Variants in COX7B2 observed in about 807,000 individuals in gnomAD.
COX7B2 encodes the protein cytochrome c oxidase subunit 7B2, mitochondrial.
For synonymous variants in COX7B2, 37 were observed against 32.1 expected, an observed-to-expected ratio of 1.15 and a Z score of -0.51; for missense variants, 109 against 95.9, an observed-to-expected ratio of 1.14 and a Z score of -0.57.
At chr4:46,800,568 T>C (rs1360756794) in intron 2 of COX7B2, among the ~76,000 whole-genome samples, 1 of 152,190 alleles carries the variant, frequency 6.6e-6, no homozygotes, top group Non-Finnish European at 1.5e-5. Context: ...AGATTGAAAC[T>C]GGACTCCTTG....
At chr4:46,787,983 C>T (rs1353301619) in intron 2 of COX7B2, among the ~76,000 whole-genome samples, 3 of 152,172 alleles carry the variant, frequency 2.0e-5, no homozygotes, top group Non-Finnish European at 2.9e-5. Context: ...TGATCCCCAA[C>T]TCCTTCCTCT....
intron 1 of COX7B2, among the ~76,000 whole-genome samples, chr4:46,871,153 C>A (rs1009212292): frequency 6.6e-6 from 1 of 151,774 alleles, no homozygotes. Context: ...ACACATAGAC[C>A]AATGGAAAAG....
intron 1 of COX7B2, among the ~76,000 whole-genome samples, chr4:46,893,137 T>C (rs1577707267): frequency 6.6e-6 from 1 of 152,134 alleles, no homozygotes. Context: ...CATGGATAAG[T>C]AGAGTTAAGG....
rs1717008012 is a variant in COX7B2, at chr4:46,773,774, T to C, written c.-49-38533A>G. Among the ~76,000 whole-genome samples, 6 of 152,290 alleles carry C rather than the reference T, an allele frequency of 3.9e-5. No homozygotes were observed. In the South Asian group the frequency reaches 1.2e-3, roughly 32 times the overall value. ...TAAAATATGTTCATTTTTAATAGAC[T>C]TAATTTCTAAAATACAGTGTAGGGC... On this transcript the variant is annotated intron_variant, in intron 2 of 2. Transcript: ENST00000355591.
intron 2 of COX7B2, among the ~76,000 whole-genome samples, chr4:46,787,457 A>C (rs555873566): frequency 1.3e-5 from 2 of 152,276 alleles, no homozygotes; most frequent in South Asian, 4.1e-4. Flanking sequence ...CAAATAAAAA[A>C]AAATAAAAAA....
At chr4:46,797,955 C>T (rs1718450092) in intron 2 of COX7B2, among the ~76,000 whole-genome samples, 1 of 152,154 alleles carries the variant, frequency 6.6e-6, no homozygotes, top group African/African-American at 2.4e-5. Flanking sequence ...CACTGTTCTA[C>T]CACAGGATTA....
At chr4:46,738,077 GGTA>G (rs1197476148) in intron 2 of COX7B2, among the ~76,000 whole-genome samples, 3 of 152,100 alleles carry the variant, frequency 2.0e-5, no homozygotes, top group African/African-American at 7.2e-5. Flanking sequence ...CATCGGTCAG[GGTA>G]TGACAGGTGC....
intron 1 of COX7B2, among the ~76,000 whole-genome samples, chr4:46,891,372 C>T (rs977783052): frequency 6.6e-6 from 1 of 152,008 alleles, no homozygotes; most frequent in African/African-American, 2.4e-5. Flanking sequence ...AGAAAGGGTC[C>T]AGGGACAGAG....
At chr4:46,763,608 T>C (rs1030441200) in intron 2 of COX7B2, among the ~76,000 whole-genome samples, 2 of 152,128 alleles carry the variant, frequency 1.3e-5, no homozygotes, top group African/African-American at 4.8e-5. Flanking sequence ...ACTATCTCCC[T>C]ACTCTTGCCA....
rs1405279491 is a variant in COX7B2 at position 46,735,030 on chromosome 4, C to T, written c.163G>A (p.Val55Met). 2.5e-6 allele frequency: 4 copies of T among 1,613,758 alleles called. No individual in the cohort carries two copies. Among genetic ancestry groups the T allele is most frequent in the African/African-American group, 2.7e-5 (2 of 74,880 alleles). Residue 55 changes from valine (V) to methionine (M), a missense_variant, in exon 3 of 3, where the codon GTG (valine) becomes ATG (methionine). By Grantham distance (21) the Val-to-Met change is conservative. Coordinates refer to ENST00000355591, the MANE Select transcript of COX7B2 (RefSeq NM_130902.3). ...ATTCCAATCTGAGTGGCTGTAAACA[C>T]CCATGTAGCAACACAGAAAGCAGTT... ...SGTAFCVATW[V>M]FTATQIGIEW...
intron 2 of COX7B2, among the ~76,000 whole-genome samples, chr4:46,779,959 A>G (rs1715935369): frequency 6.6e-6 from 1 of 152,196 alleles, no homozygotes; most frequent in Non-Finnish European, 1.5e-5. Context: ...ATGTGTTAAG[A>G]GTAGATTTTA....
chr4:46,886,327 T>C lies in COX7B2; in HGVS notation c.-105+22833A>G, dbSNP rs776034281. 5.9e-5 allele frequency among the ~76,000 whole-genome samples: 9 copies of C among 152,296 alleles called. No individual in the cohort carries two copies. The South Asian group carries it at 8.3e-4, about 14-fold the overall frequency. ...GTGATATTTTCATACATATATACAA[T>C]GTGTAATGATTAAATCAGGGTAATT... On this transcript the variant is annotated intron_variant, in intron 1 of 2. Coordinates refer to ENST00000355591, the MANE Select transcript of COX7B2 (RefSeq NM_130902.3).
chr4:46,767,178 CG>C (rs1284069827), intron 2 of COX7B2, among the ~76,000 whole-genome samples: 11 of 152,114 alleles, frequency 7.2e-5, no homozygotes, highest in Non-Finnish European at 1.6e-4. Flanking sequence ...AGATATTCCA[CG>C]CAAGTGGCAA....
At chr4:46,737,666 A>G (rs1012003836) in intron 2 of COX7B2, among the ~76,000 whole-genome samples, 16 of 152,180 alleles carry the variant, frequency 1.1e-4, no homozygotes, top group Non-Finnish European at 2.4e-4. Flanking sequence ...ATCTGGAAGT[A>G]GAAACATAAA....
chr4:46,817,952 A>C (rs1473782683), intron 2 of COX7B2, among the ~76,000 whole-genome samples: 2 of 152,234 alleles, frequency 1.3e-5, no homozygotes, highest in Admixed American at 1.3e-4. Flanking sequence ...AACACAGAAA[A>C]GGAACTGATT....
intron 1 of COX7B2, among the ~76,000 whole-genome samples, chr4:46,907,917 G>A (rs1560448938): frequency 7.5e-6 from 1 of 133,934 alleles, no homozygotes; most frequent in Non-Finnish European, 1.5e-5. Flanking sequence ...GAAATGAGAC[G>A]ATCTCAGCTC....
intron 1 of COX7B2, among the ~76,000 whole-genome samples, chr4:46,902,678 T>C (rs1720141524): frequency 6.6e-6 from 1 of 152,208 alleles, no homozygotes; most frequent in African/African-American, 2.4e-5. Flanking sequence ...GTAGTCATTC[T>C]ACAGCCTGGC....
Position 46,749,494 on chromosome 4 carries a change from T to A in COX7B2, c.-49-14253A>T, listed in dbSNP as rs1044024774. 2.0e-5 allele frequency among the ~76,000 whole-genome samples: 3 copies of A among 152,298 alleles called. No homozygotes were observed. In the East Asian group the frequency reaches 5.8e-4, roughly 29 times the overall value. ...CATCCACAATGAAAACTCTTTGTTA[T>A]ACTCACTATGTGATAATTTACATTA... On this transcript the variant is annotated intron_variant, in intron 2 of 2. Transcript: ENST00000355591.
rs1180411326 is a variant in COX7B2 at position 46,904,972 on chromosome 4, T to C, written c.-105+4188A>G. On this transcript the variant is annotated intron_variant, in intron 1 of 2. Coordinates refer to ENST00000355591, the MANE Select transcript of COX7B2 (RefSeq NM_130902.3). ...ACTAAATGGATTACTTACTTACTTA[T>C]GACTCTGAAGCCAGATTGCCTAAGT... 2.0e-5 allele frequency among the ~76,000 whole-genome samples: 3 copies of C among 152,290 alleles called. No individual in the cohort carries two copies. In the East Asian group the frequency reaches 5.8e-4, roughly 29 times the overall value.
Sources: gnomAD v4.1 joint callset for allele counts (sites outside exome capture counted in the v4.1 genomes callset) on GRCh38, gnomAD v4.1.1 for gene constraint, MANE v1.5 for transcripts, NCBI Gene and HGNC (gene_info 2026-07-23, HGNC 2026-07-21) for gene names.